Variants in ABCA13 observed in about 807,000 individuals in gnomAD.
The protein encoded by ABCA13 is ATP-binding cassette sub-family A member 13.
In ABCA13, 476 loss-of-function variants were observed where a neutral mutation model predicts 478.7. The observed-to-expected ratio is 0.99, with a 90% CI of 0.92 to 1.07. ABCA13 has a LOEUF of 1.07. ABCA13 is among the 50% of genes least tolerant of loss of function. The pLI is 0.00. For missense variants in ABCA13, 6,060 were observed against 5,910.6 expected (o/e 1.03, Z -0.83); for synonymous variants, 2,252 against 2,158.9 (o/e 1.04, Z -1.20).
In ABCA13 at chr7:48,274,418, T is replaced by C. The variant is rs1796022760; in HGVS notation, c.4752T>C (p.Ser1584=). The change falls in exon 17 of 62, where the codon AGT becomes AGC. Residue 1584 remains serine, a synonymous_variant. Transcript: ENST00000435803. ...TENLLNIFAT[S]PKEKDVNSVG... ...ACTTGTTAAACATATTTGCCACCAG[T>C]CCAAAAGAAAAGGATGTAAACAGTG... The C allele has an allele frequency of 5.0e-6, 8 of 1,612,976 alleles. No homozygotes were observed. The East Asian group carries it at 1.8e-4, about 36-fold the overall frequency.
At chr7:48,307,936 A>T (rs79186915) in intron 23 of ABCA13, among the ~76,000 whole-genome samples, 4,573 of 152,254 alleles carry the variant, frequency 0.03, 160 homozygotes, top group Admixed American at 0.095. Flanking sequence ...CGCCTGCCTT[A>T]GCCTCCCAAA....
Position 48,374,130 on chromosome 7 carries a change from C to T in ABCA13, c.11134-217C>T, listed in dbSNP as rs79010132. 1.7e-4 allele frequency among the ~76,000 whole-genome samples: 26 copies of T among 152,240 alleles called. No homozygotes were observed. The East Asian group carries it at 4.0e-3, about 24-fold the overall frequency. On this transcript the variant is annotated intron_variant, in intron 33 of 61. Coordinates refer to ENST00000435803, the MANE Select transcript of ABCA13 (RefSeq NM_152701.5). ...GGTAAAGAGAAATAATTCCTTTTAA[C>T]GTTAAAAACTAGCTTGTTATCATGC...
chr7:48,355,979 G>A (rs1809843031), intron 31 of ABCA13, among the ~76,000 whole-genome samples: 1 of 151,842 alleles, frequency 6.6e-6, no homozygotes, highest in Admixed American at 6.6e-5. Context: ...TATTACCATG[G>A]GAAGGAGTAT....
chr7:48,490,419 G>A (rs1193726692), intron 48 of ABCA13, among the ~76,000 whole-genome samples: 3 of 152,168 alleles, frequency 2.0e-5, no homozygotes, highest in African/African-American at 7.2e-5. Flanking sequence ...TCGCCTATCA[G>A]CTGTGGCTCT....
intron 5 of ABCA13, among the ~76,000 whole-genome samples, chr7:48,226,601 A>G (rs745496872): frequency 1.3e-5 from 2 of 152,180 alleles, no homozygotes; most frequent in Non-Finnish European, 2.9e-5. Flanking sequence ...GCAACTGTGG[A>G]GCTTGGATCA....
chr7:48,180,780 T>C (rs1050164717), intron 1 of ABCA13, among the ~76,000 whole-genome samples: 14 of 152,102 alleles, frequency 9.2e-5, no homozygotes, highest in Non-Finnish European at 1.6e-4. Flanking sequence ...CACATGCTTG[T>C]AGTCCCAGTT....
intron 45 of ABCA13, among the ~76,000 whole-genome samples, chr7:48,473,327 T>C (rs1827719125): frequency 6.6e-6 from 1 of 152,144 alleles, no homozygotes; most frequent in South Asian, 2.1e-4. Flanking sequence ...AGCTTCCTTA[T>C]GTGAGTATGT....
Position 48,392,125 on chromosome 7 carries a change from T to C in ABCA13, c.11859T>C (p.His3953=). The change falls in exon 38 of 62, where the codon CAT becomes CAC. Residue 3953 remains histidine, a synonymous_variant. Transcript: ENST00000435803. The part of the protein sequence containing the change: ...KAPQWTKKEL[H]QQVNQTLQDV... ...CTCAGTGGACCAAGAAGGAGCTGCA[T>C]CAGCAAGTCAATCAGTTAGTAAACA... 6.2e-7 allele frequency: 1 copy of C among 1,613,848 alleles called. No homozygotes were observed. Among genetic ancestry groups the C allele is most frequent in the South Asian group, 1.1e-5 (1 of 91,074 alleles).
intron 32 of ABCA13, among the ~76,000 whole-genome samples, chr7:48,368,687 G>GTGTATATA (rs1350848715): frequency 1.4e-4 from 17 of 122,740 alleles, no homozygotes; most frequent in African/African-American, 4.9e-4. Context: ...GTGTGTATGT[G>GTGTATATA]TATATATATA....
At chr7:48,636,172 G>T (rs1053696954) in intron 59 of ABCA13, among the ~76,000 whole-genome samples, 1 of 151,966 alleles carries the variant, frequency 6.6e-6, no homozygotes, top group African/African-American at 2.4e-5. Context: ...TAATTTTATT[G>T]TGTACAGAGG....
At chr7:48,380,639 C>G (rs1814202218) in intron 35 of ABCA13, among the ~76,000 whole-genome samples, 1 of 152,174 alleles carries the variant, frequency 6.6e-6, no homozygotes, top group African/African-American at 2.4e-5. Flanking sequence ...TGTAGGGTAT[C>G]AACTAACCCA....
chr7:48,505,649 A>G (rs776184498), intron 48 of ABCA13, among the ~76,000 whole-genome samples: 3 of 152,244 alleles, frequency 2.0e-5, no homozygotes, highest in Non-Finnish European at 4.4e-5. Flanking sequence ...CTCACAGTCC[A>G]CAATGTCCAA....
chr7:48,426,759 C>T (rs997651330), intron 41 of ABCA13, among the ~76,000 whole-genome samples: 2 of 152,148 alleles, frequency 1.3e-5, no homozygotes, highest in African/African-American at 2.4e-5. Flanking sequence ...CCACAGAGAA[C>T]GTTCAGGAAA....
chr7:48,334,490 G>A lies in ABCA13; in HGVS notation c.10000-932G>A, dbSNP rs747380972. Among the ~76,000 whole-genome samples, 105 of 152,066 alleles carry A rather than the reference G, an allele frequency of 6.9e-4. 2 individuals carry two copies. Among genetic ancestry groups the A allele is most frequent in the Non-Finnish European group, 1.2e-3 (80 of 67,956 alleles). On this transcript the variant is annotated intron_variant, in intron 27 of 61. Transcript: ENST00000435803. ...GCTGGGATTACAGGTGCCTGCCACCGTGCCCGGCTAATTTTTTGTATTTTT... is the reference window on the plus strand; with the variant it reads ...GCTGGGATTACAGGTGCCTGCCACCATGCCCGGCTAATTTTTTGTATTTTT...
intron 41 of ABCA13, among the ~76,000 whole-genome samples, chr7:48,416,327 G>A (rs766349467): frequency 7.2e-5 from 11 of 152,070 alleles, no homozygotes; most frequent in East Asian, 1.9e-4. Flanking sequence ...GATAGGTTCC[G>A]CCTAGGAATA....
At chr7:48,322,764 T>C (rs1444046372) in intron 27 of ABCA13, among the ~76,000 whole-genome samples, 1 of 152,228 alleles carries the variant, frequency 6.6e-6, no homozygotes, top group African/African-American at 2.4e-5. Flanking sequence ...CAGGCTTTTT[T>C]TCGGTCGACA....
At chr7:48,249,394 C>T (rs1308387758) in intron 15 of ABCA13, 43 bp downstream of exon 15, 3 of 1,603,674 alleles carry the variant, frequency 1.9e-6, no homozygotes, top group South Asian at 2.3e-5. Flanking sequence ...GATGCTTTCC[C>T]CTTTTAGTGA....
chr7:48,215,360 G>A (rs974508138), intron 3 of ABCA13, among the ~76,000 whole-genome samples: 42 of 152,066 alleles, frequency 2.8e-4, no homozygotes, highest in African/African-American at 9.7e-4. Context: ...TCTTATATGG[G>A]CATGGTTTGT....
chr7:48,622,732 T>C (rs576753656), intron 59 of ABCA13, among the ~76,000 whole-genome samples: 1 of 152,338 alleles, frequency 6.6e-6, no homozygotes, highest in East Asian at 1.9e-4. Context: ...AACTAATTCT[T>C]ATATAGTGCT....
Sources: allele counts gnomAD v4.1 joint callset (sites outside exome capture counted in the v4.1 genomes callset), GRCh38; gene constraint gnomAD v4.1.1; transcripts MANE v1.5; gene names NCBI Gene and HGNC (gene_info 2026-07-23, HGNC 2026-07-21).